ACAD9: variants seen among roughly 807,000 people sequenced by gnomAD.
ACAD9 encodes the protein acyl-CoA dehydrogenase family member 9.
Under a neutral mutation model 70.2 loss-of-function variants are expected in ACAD9, and 53 were observed. That is an observed-to-expected ratio of 0.75 (90% CI 0.61 to 0.95). ACAD9 has a LOEUF of 0.95. Ranked by LOEUF, ACAD9 falls within the 40% of genes least tolerant of loss-of-function variation. The pLI, the probability that ACAD9 is intolerant of heterozygous loss-of-function variation, is 0.00. For missense variants in ACAD9, 777 were observed against 802.8 expected (o/e 0.97, Z 0.39); for synonymous variants, 313 against 312.1 (o/e 1.00, Z -0.03).
rs756247621 is a variant in ACAD9 at position 128,912,547 on chromosome 3, C to T, written c.1806C>T (p.Ser602=). The T allele has an allele frequency of 1.9e-6, 3 of 1,614,014 alleles. No homozygotes were observed. Among genetic ancestry groups the T allele is most frequent in the Non-Finnish European group, 2.5e-6 (3 of 1,180,030 alleles). Residue 602 remains serine (S), a synonymous_variant, in exon 18 of 18, where the codon TCC becomes TCT. Transcript: ENST00000308982. ...ENLDEQIKKV[S]QQILEKRAYI... is the part of the protein sequence containing the mutation. ...TAGATGAGCAGATTAAGAAAGTGTC[C>T]CAGCAGATCCTTGAGAAGCGAGCCT...
chr3:128,912,404 A>G lies in ACAD9; in HGVS notation c.1766-103A>G, dbSNP rs936749635. ...AGGGGTTCACCCTTAGGGCTGCTTC[A>G]TGGTGGGTGGGCTGACTTTGTGGAA... On this transcript the variant is annotated intron_variant, in intron 17 of 17. Transcript: ENST00000308982. 8 of 995,982 alleles carry G rather than the reference A, an allele frequency of 8.0e-6. No homozygotes were observed. The African/African-American group carries it at 1.3e-4, about 16-fold the overall frequency. 61.7% of individuals were successfully genotyped at this position (995,982 alleles called of 1,614,324 possible). A position where few individuals can be genotyped will look rare whatever the true frequency, so the allele number is the denominator to read the frequency against.
intron 2 of ACAD9, among the ~76,000 whole-genome samples, chr3:128,886,521 C>G (rs945129496): frequency 6.6e-6 from 1 of 151,736 alleles, no homozygotes; most frequent in African/African-American, 2.4e-5. Context: ...CCAGCCTGAC[C>G]AACATGGAGA....
intron 6 of ACAD9, 71 bp downstream of exon 6, chr3:128,897,781 C>G: frequency 7.4e-7 from 1 of 1,356,106 alleles, no homozygotes; most frequent in South Asian, 1.2e-5. Context: ...TGAGCACTCT[C>G]CACACACCAG....
rs1451444183 is a variant in ACAD9, at chr3:128,908,251, A to G, written c.1345A>G (p.Thr449Ala). 1.2e-6 allele frequency: 2 copies of G among 1,613,992 alleles called. No homozygotes were observed. Among genetic ancestry groups the G allele is most frequent in the Admixed American group, 3.3e-5 (2 of 60,008 alleles). ...TGLQHAGRIL[T>A]TRIHELKQAK... is the part of the protein sequence containing the mutation. ...TCTGCAGCATGCCGGCCGCATCCTG[A>G]CTACCAGGATCCAGTAGGTGCCATT... The change falls in exon 13 of 18, where the codon ACT becomes GCT. Residue 449 changes from threonine (T) to alanine (A), a missense_variant. Thr to Ala is a moderately conservative substitution (Grantham distance 58). Coordinates refer to ENST00000308982, the MANE Select transcript of ACAD9 (RefSeq NM_014049.5).
chr3:128,908,044 C>A (rs569240693), intron 12 of ACAD9, 141 bp from the exon 13 acceptor site: 1 of 822,380 alleles, frequency 1.2e-6, no homozygotes, highest in Non-Finnish European at 2.1e-6. Context: ...CTGGCCAGAG[C>A]CCTGCTCCCA....
chr3:128,909,067 G>A lies in ACAD9; in HGVS notation c.1453G>A (p.Gly485Ser). ...CCGAACTGTGGACCTGGGGCTGACAGGCAACCATGGAGTTGTGCACCCCAG... is the reference window on the plus strand; with the variant it reads ...CCGAACTGTGGACCTGGGGCTGACAAGCAACCATGGAGTTGTGCACCCCAG... Reference protein sequence around the residue: ...LGRTVDLGLTGNHGVVHPSLA... With the variant: ...LGRTVDLGLTSNHGVVHPSLA... The change falls in exon 14 of 18, where the codon GGC becomes AGC. Residue 485 changes from glycine to serine, a missense_variant. Coordinates refer to ENST00000308982, the MANE Select transcript of ACAD9 (RefSeq NM_014049.5). 1.2e-6 allele frequency: 2 copies of A among 1,614,098 alleles called. No homozygotes were observed. The highest frequency in any genetic ancestry group is 1.7e-6 in the Non-Finnish European group (2 of 1,180,022).
intron 1 of ACAD9, chr3:128,880,069 C>T: frequency 6.7e-7 from 1 of 1,495,926 alleles, no homozygotes; most frequent in Non-Finnish European, 9.0e-7. Flanking sequence ...GTGACGTGTT[C>T]CAGCTAAATT....
At position 128,890,429 on chromosome 3, in the gene ACAD9, G is replaced by A. The variant is rs138632177; in HGVS notation, c.245-3126G>A. On this transcript the variant is annotated intron_variant, in intron 2 of 17. Coordinates refer to ENST00000308982, the MANE Select transcript of ACAD9 (RefSeq NM_014049.5). ...AGAAACTTTATAGTTTTGGCTGGGC[G>A]CAGTGGCTCATGCCTGTAATCCCAG... Among the ~76,000 whole-genome samples the A allele has an allele frequency of 3.6e-3, 547 of 152,188 alleles. 5 individuals carry two copies. Among genetic ancestry groups the A allele is most frequent in the African/African-American group, 0.013 (523 of 41,560 alleles).
In ACAD9 at chr3:128,896,484, A is replaced by G; in HGVS notation, c.502A>G (p.Lys168Glu). The change falls in exon 5 of 18, where the codon AAA becomes GAA. Residue 168 changes from lysine to glutamate, a missense_variant. Physicochemically the swap from Lys to Glu is moderately conservative, Grantham distance 56. Coordinates refer to ENST00000308982, the MANE Select transcript of ACAD9 (RefSeq NM_014049.5). ...TEEQKAKYLP[K>E]LASGEHIAAF... ...GGAGCAGAAAGCCAAATACTTGCCT[A>G]AACTGGCGTCCGGGGAGCACATTGC... 6.2e-7 allele frequency: 1 copy of G among 1,614,250 alleles called. No homozygotes were observed. Among genetic ancestry groups the G allele is most frequent in the Middle Eastern group, 1.6e-4 (1 of 6,062 alleles).
intron 1 of ACAD9, among the ~76,000 whole-genome samples, chr3:128,880,878 C>T (rs939248934): frequency 6.6e-6 from 1 of 152,210 alleles, no homozygotes; most frequent in Non-Finnish European, 1.5e-5. Context: ...CCTCCCTGTG[C>T]CTCAGTGCAT....
chr3:128,905,300 G>T (rs1309137568), intron 11 of ACAD9, among the ~76,000 whole-genome samples: 1 of 152,222 alleles, frequency 6.6e-6, no homozygotes, highest in Non-Finnish European at 1.5e-5. Context: ...ATCTTATTTG[G>T]TTAAGGTAGA....
At chr3:128,893,340 C>A (rs574437995) in intron 2 of ACAD9, among the ~76,000 whole-genome samples, 1 of 152,066 alleles carries the variant, frequency 6.6e-6, no homozygotes, top group Non-Finnish European at 1.5e-5. Flanking sequence ...CAGAGTGAGA[C>A]CTTGTCTCTA....
At chr3:128,885,426 C>T (rs921510452) in intron 2 of ACAD9, among the ~76,000 whole-genome samples, 8 of 152,150 alleles carry the variant, frequency 5.3e-5, no homozygotes, top group African/African-American at 1.9e-4. Context: ...GGGCCTAGCT[C>T]TGTTGCTCAG....
intron 15 of ACAD9, 177 bp from the exon 16 acceptor site, chr3:128,909,844 G>T: frequency 1.1e-6 from 1 of 871,940 alleles, no homozygotes; most frequent in East Asian, 2.7e-5. Flanking sequence ...CAAAGAGAAG[G>T]GAAAACAGAA....
intron 17 of ACAD9, among the ~76,000 whole-genome samples, chr3:128,911,232 ATT>A (rs1057093457): frequency 4.6e-5 from 7 of 151,624 alleles, no homozygotes; most frequent in African/African-American, 1.5e-4. Flanking sequence ...AATTTTTTGT[ATT>A]TTTAGTAGAA....
chr3:128,880,264 C>G (rs181674291), intron 1 of ACAD9, among the ~76,000 whole-genome samples: 2 of 152,342 alleles, frequency 1.3e-5, no homozygotes, highest in Admixed American at 6.5e-5. Context: ...GCGCCTCTCC[C>G]TGCCATTGAG....
chr3:128,908,417 G>A, intron 13 of ACAD9, 153 bp downstream of exon 13: 5 of 897,548 alleles, frequency 5.6e-6, no homozygotes, highest in South Asian at 1.4e-5. Flanking sequence ...CTGTGGTAGT[G>A]GGGGGCTTGC....
In ACAD9 at chr3:128,906,207, C is replaced by G; in HGVS notation, c.1236C>G (p.Tyr412Ter). The G allele has an allele frequency of 6.2e-7, 1 of 1,614,212 alleles. No homozygotes were observed. The highest frequency in any genetic ancestry group is 8.5e-7 in the Non-Finnish European group (1 of 1,180,046). ...TGGGCTACACAAGGGACTATCCGTA[C>G]GAGCGCATACTGCGTGACACCCGCA... Reference protein sequence around the residue: ...GGLGYTRDYPYERILRDTRIL... With the variant: ...GGLGYTRDYP The change falls in exon 12 of 18, where the codon TAC becomes TAG. Residue 412 changes from tyrosine (Y) to a stop codon, truncating the protein, a stop_gained. Coordinates refer to ENST00000308982, the MANE Select transcript of ACAD9 (RefSeq NM_014049.5). LOFTEE classifies it high-confidence loss of function.
rs1935673074 is a variant in ACAD9 at position 128,899,520 on chromosome 3, GACGGT to G, written c.808+60_808+64del. ...GTGTGTAAGGGGGAGACTGGCCTTT[GACGGT>G]GTGTGTGTGTGTGTGTGTGTGTGTG... On this transcript the variant is annotated intron_variant, in intron 7 of 17. Transcript: ENST00000308982. 5 of 1,546,270 alleles carry G rather than the reference GACGGT, an allele frequency of 3.2e-6. No individual in the cohort carries two copies. In the African/African-American group the frequency reaches 4.3e-5, roughly 13 times the overall value.
Sources: allele counts gnomAD v4.1 joint callset (sites outside exome capture counted in the v4.1 genomes callset), GRCh38; gene constraint gnomAD v4.1.1; transcripts MANE v1.5; gene names NCBI Gene and HGNC (gene_info 2026-07-23, HGNC 2026-07-21).